The following GNAI3 variants were observed in gnomAD, a reference collection of about 807,000 sequenced individuals.
GNAI3 encodes the protein G protein subunit alpha i3.
Under a neutral mutation model 41.8 loss-of-function variants are expected in GNAI3, and 12 were observed. The ratio of observed to expected loss-of-function variants is 0.29; its 90% CI spans 0.18 to 0.47. GNAI3 has a LOEUF of 0.47. GNAI3 is among the 20% of genes least tolerant of loss of function. The pLI is 1.00. For synonymous variants in GNAI3, 132 were observed against 146.5 expected (o/e 0.90, Z 0.71); for missense variants, 360 against 429.6 (o/e 0.84, Z 1.43).
At chr1:109,586,477 C>T in intron 6 of GNAI3, 132 bp downstream of exon 6, 1 of 907,854 alleles carries the variant, frequency 1.1e-6, no homozygotes. Context: ...TTGATCTGTG[C>T]CCTATTACTC....
rs993569459 is a variant in GNAI3, at chr1:109,568,416, GTCCCAGCTAC to G, written c.119-5308_119-5299del. Among the ~76,000 whole-genome samples, 3 of 152,012 alleles carry G rather than the reference GTCCCAGCTAC, an allele frequency of 2.0e-5. No individual in the cohort carries two copies. In the South Asian group the frequency reaches 6.2e-4, roughly 32 times the overall value. On this transcript the variant is annotated intron_variant, in intron 1 of 8. Coordinates refer to ENST00000369851, the MANE Select transcript of GNAI3 (RefSeq NM_006496.4). Reference sequence around the variant, plus strand: ...CCAGGCATGGTGGTGTGCCCCTGTAGTCCCAGCTACTCCCAGCTACTCAGGAGGCTGAGGG... The same window carrying G: ...CCAGGCATGGTGGTGTGCCCCTGTAGTCCCAGCTACTCAGGAGGCTGAGGG...
intron 4 of GNAI3, among the ~76,000 whole-genome samples, chr1:109,581,625 C>T (rs186309841): frequency 2.0e-5 from 3 of 152,228 alleles, no homozygotes; most frequent in African/African-American, 7.2e-5. Flanking sequence ...CGGTTGCTCA[C>T]GCCTGTAATC....
intron 7 of GNAI3, among the ~76,000 whole-genome samples, chr1:109,589,677 T>C (rs1649120594): frequency 6.6e-6 from 1 of 152,186 alleles, no homozygotes; most frequent in Non-Finnish European, 1.5e-5. Context: ...AAAGGAATAA[T>C]AATAGATGGT....
chr1:109,580,442 T>C (rs1424425616), intron 4 of GNAI3, among the ~76,000 whole-genome samples: 1 of 152,176 alleles, frequency 6.6e-6, no homozygotes, highest in Non-Finnish European at 1.5e-5. Flanking sequence ...ACGTCATGAT[T>C]CTAGCTTAAA....
At chr1:109,569,912 C>T (rs1051387464) in intron 1 of GNAI3, among the ~76,000 whole-genome samples, 2 of 151,830 alleles carry the variant, frequency 1.3e-5, no homozygotes, top group Admixed American at 1.3e-4. Context: ...AAGATAATCT[C>T]ACATGAATGA....
At chr1:109,586,443 C>A in intron 6 of GNAI3, 98 bp downstream of exon 6, 2 of 1,206,344 alleles carry the variant, frequency 1.7e-6, no homozygotes, top group Non-Finnish European at 2.3e-6. Flanking sequence ...CTCATTCAAC[C>A]AAAACTTAGT....
chr1:109,581,888 C>CAAAA (rs950958158), intron 4 of GNAI3, among the ~76,000 whole-genome samples: 1 of 104,106 alleles, frequency 9.6e-6, no homozygotes, highest in South Asian at 4.0e-4. Flanking sequence ...GACTCTGTCT[C>CAAAA]AAAAAAACAA....
chr1:109,572,397 G>C (rs912229287), intron 1 of GNAI3, among the ~76,000 whole-genome samples: 1 of 152,194 alleles, frequency 6.6e-6, no homozygotes, highest in Admixed American at 6.5e-5. Context: ...ATGTTGGCTA[G>C]AAGCCTGCCT....
At position 109,592,171 on chromosome 1, in the gene GNAI3, G is replaced by T; in HGVS notation, c.1003G>T (p.Val335Phe). Residue 335 changes from valine to phenylalanine, a missense_variant, in exon 8 of 9, where the codon GTT (valine) becomes TTT (phenylalanine). By Grantham distance (50) the Val-to-Phe change is conservative. Coordinates refer to ENST00000369851, the MANE Select transcript of GNAI3 (RefSeq NM_006496.4). ...CACAGACACGAAGAATGTGCAGTTT[G>T]TTTTTGATGCTGTTACAGATGTCAT... ...CATDTKNVQF[V>F]FDAVTDVIIK... 1 of 1,613,486 alleles carries T rather than the reference G, an allele frequency of 6.2e-7. No homozygotes were observed. The highest frequency in any genetic ancestry group is 8.5e-7 in the Non-Finnish European group (1 of 1,179,452).
chr1:109,590,717 C>T (rs1649152073), intron 7 of GNAI3, among the ~76,000 whole-genome samples: 1 of 151,910 alleles, frequency 6.6e-6, no homozygotes, highest in Admixed American at 6.6e-5. Context: ...TGCCCACCAC[C>T]AGGCCTAGCT....
At chr1:109,586,630 G>C (rs894409841) in intron 6 of GNAI3, 99 bp from the exon 7 acceptor site, 4 of 818,344 alleles carry the variant, frequency 4.9e-6, no homozygotes, top group Non-Finnish European at 7.8e-6. Context: ...TTCCGTGAAT[G>C]CCATTTAGTG....
Position 109,579,214 on chromosome 1 carries a change from G to A in GNAI3, c.314G>A (p.Arg105Gln), listed in dbSNP as rs371540739. The A allele has an allele frequency of 3.1e-5, 50 of 1,611,334 alleles. No individual in the cohort carries two copies. The highest frequency in any genetic ancestry group is 4.0e-5 in the Non-Finnish European group (47 of 1,178,616). ...AACTGCTTTCTTCAGGATGATGCCC[G>A]GCAATTATTTGTTTTAGCTGGCAGT... ...FGEAARADDA[R>Q]QLFVLAGSAE... Residue 105 changes from arginine (R) to glutamine (Q), a missense_variant, in exon 4 of 9, where the codon CGG becomes CAG. By Grantham distance (43) the Arg-to-Gln change is conservative. Coordinates refer to ENST00000369851, the MANE Select transcript of GNAI3 (RefSeq NM_006496.4).
chr1:109,570,420 A>C (rs1465422120), intron 1 of GNAI3, among the ~76,000 whole-genome samples: 1 of 152,354 alleles, frequency 6.6e-6, no homozygotes, highest in Admixed American at 6.5e-5. Context: ...CTGGGAATGC[A>C]GGGATGAATA....
chr1:109,579,713 G>A (rs923691089), intron 4 of GNAI3, among the ~76,000 whole-genome samples: 1 of 152,200 alleles, frequency 6.6e-6, no homozygotes, highest in Non-Finnish European at 1.5e-5. Flanking sequence ...TAGCCAGCTA[G>A]AGAGGGAAAT....
chr1:109,575,491 C>T (rs1648713269), intron 3 of GNAI3, among the ~76,000 whole-genome samples: 1 of 150,954 alleles, frequency 6.6e-6, no homozygotes, highest in South Asian at 2.1e-4. Context: ...ATTTTATTCC[C>T]CGCCGTCTGT....
chr1:109,554,444 A>C (rs1248025490), intron 1 of GNAI3, among the ~76,000 whole-genome samples: 1 of 151,950 alleles, frequency 6.6e-6, no homozygotes, highest in East Asian at 1.9e-4. Flanking sequence ...ATCACATTGT[A>C]GTTTTGATTT....
At chr1:109,575,978 A>G (rs1648731234) in intron 3 of GNAI3, among the ~76,000 whole-genome samples, 3 of 152,258 alleles carry the variant, frequency 2.0e-5, no homozygotes, top group Admixed American at 6.5e-5. Flanking sequence ...CTGTAATCCT[A>G]TATTATAATT....
intron 1 of GNAI3, among the ~76,000 whole-genome samples, chr1:109,571,884 C>T (rs1571154722): frequency 6.6e-6 from 1 of 152,024 alleles, no homozygotes; most frequent in African/African-American, 2.4e-5. Context: ...CGCCACTGCA[C>T]TCCAGCCTGG....
intron 1 of GNAI3, among the ~76,000 whole-genome samples, chr1:109,569,354 T>G (rs530416471): frequency 2.0e-5 from 3 of 152,356 alleles, no homozygotes; most frequent in African/African-American, 2.4e-5. Flanking sequence ...TCTTTGTATT[T>G]CAACTATTAC....
Sources: allele counts gnomAD v4.1 joint callset (sites outside exome capture counted in the v4.1 genomes callset), GRCh38; gene constraint gnomAD v4.1.1; transcripts MANE v1.5; gene names NCBI Gene and HGNC (gene_info 2026-07-23, HGNC 2026-07-21).